The following CSMD1 variants were observed in gnomAD, a reference collection of about 807,000 sequenced individuals.
CSMD1 encodes CUB and sushi domain-containing protein 1.
CSMD1 carries 213 observed loss-of-function variants against 417.5 expected under a neutral mutation model. The ratio of observed to expected loss-of-function variants is 0.51; its 90% CI spans 0.46 to 0.57. The LOEUF is 0.57. Ranked by LOEUF, CSMD1 falls within the 20% of genes least tolerant of loss-of-function variation. The pLI is 0.00. For synonymous variants in CSMD1, 2,862 were observed against 1,736.8 expected (o/e 1.65, Z -16.11); for missense variants, 6,923 against 4,529.7 (o/e 1.53, Z -15.17).
At chr8:4,048,454 T>C (rs1798261071) in intron 3 of CSMD1, among the ~76,000 whole-genome samples, 2 of 152,202 alleles carry the variant, frequency 1.3e-5, no homozygotes, top group Non-Finnish European at 2.9e-5. Flanking sequence ...CCCAACAAGA[T>C]TCTGCAGTAG....
chr8:4,519,404 A>T (rs888888678), intron 2 of CSMD1, among the ~76,000 whole-genome samples: 1 of 152,140 alleles, frequency 6.6e-6, no homozygotes, highest in Non-Finnish European at 1.5e-5. Flanking sequence ...TACATATTCA[A>T]AATTAATATA....
chr8:3,887,740 A>C (rs1284752557), intron 5 of CSMD1, among the ~76,000 whole-genome samples: 1 of 151,968 alleles, frequency 6.6e-6, no homozygotes, highest in Non-Finnish European at 1.5e-5. Context: ...GATAGAAAAA[A>C]CTCAGATTAC....
intron 52 of CSMD1, among the ~76,000 whole-genome samples, chr8:3,002,139 G>C (rs181398835): frequency 4.6e-5 from 7 of 152,256 alleles, no homozygotes; most frequent in African/African-American, 9.6e-5. Context: ...GTCAGTTCTG[G>C]TGATTTGTCC....
chr8:4,139,029 G>T (rs1803612934), intron 3 of CSMD1, among the ~76,000 whole-genome samples: 1 of 152,160 alleles, frequency 6.6e-6, no homozygotes, highest in Non-Finnish European at 1.5e-5. Flanking sequence ...TATGCTGCAT[G>T]TTTCAGCACC....
chr8:4,974,591 C>T (rs1281286788), intron 1 of CSMD1, among the ~76,000 whole-genome samples: 1 of 152,046 alleles, frequency 6.6e-6, no homozygotes, highest in Non-Finnish European at 1.5e-5. Flanking sequence ...TTATGTATAA[C>T]AAACATCAAC....
chr8:4,486,122 CAT>C (rs549034961), intron 2 of CSMD1, among the ~76,000 whole-genome samples: 1,543 of 126,600 alleles, frequency 0.012, 55 homozygotes, highest in Admixed American at 0.057. Flanking sequence ...TATATACATA[CAT>C]ATATATATAT....
intron 21 of CSMD1, among the ~76,000 whole-genome samples, chr8:3,354,015 C>T (rs1808580335): frequency 6.6e-6 from 1 of 152,164 alleles, no homozygotes; most frequent in African/African-American, 2.4e-5. Context: ...CAACAACAGA[C>T]AGACGTGGAG....
chr8:4,281,869 T>A (rs931749975), intron 3 of CSMD1, among the ~76,000 whole-genome samples: 19 of 152,186 alleles, frequency 1.2e-4, no homozygotes, highest in African/African-American at 4.1e-4. Flanking sequence ...ATTAAAAAAA[T>A]GTTTTGCAAA....
At chr8:4,942,201 C>T (rs1255569328) in intron 1 of CSMD1, among the ~76,000 whole-genome samples, 1 of 152,152 alleles carries the variant, frequency 6.6e-6, no homozygotes, top group Non-Finnish European at 1.5e-5. Flanking sequence ...TTCCCCCCAA[C>T]ACACAGACAC....
At chr8:3,935,129 T>C (rs566378142) in intron 5 of CSMD1, among the ~76,000 whole-genome samples, 9 of 152,272 alleles carry the variant, frequency 5.9e-5, no homozygotes, top group African/African-American at 1.4e-4. Context: ...TTTCTCTGTA[T>C]GTCAGAAGTA....
intron 52 of CSMD1, among the ~76,000 whole-genome samples, chr8:3,003,046 T>C (rs371039175): frequency 1.1e-4 from 17 of 152,372 alleles, no homozygotes; most frequent in African/African-American, 3.8e-4. Context: ...GAGATAGCAA[T>C]CTGTTTTTCA....
intron 2 of CSMD1, among the ~76,000 whole-genome samples, chr8:4,452,253 T>A (rs545619373): frequency 1.4e-4 from 22 of 152,290 alleles, no homozygotes; most frequent in South Asian, 1.2e-3. Flanking sequence ...ACTGAACGCC[T>A]CAGCTCCTCC....
intron 3 of CSMD1, among the ~76,000 whole-genome samples, chr8:4,186,377 G>A (rs143140719): frequency 2.8e-4 from 43 of 152,228 alleles, no homozygotes; most frequent in African/African-American, 9.1e-4. Context: ...GTTGAATGCA[G>A]CATCTCTGCT....
chr8:3,614,200 A>G (rs1802027390), intron 8 of CSMD1, among the ~76,000 whole-genome samples: 1 of 152,182 alleles, frequency 6.6e-6, no homozygotes, highest in South Asian at 2.1e-4. Flanking sequence ...CTACAAACAT[A>G]GAGACATATA....
At chr8:4,700,501 C>G (rs1431270947) in intron 1 of CSMD1, among the ~76,000 whole-genome samples, 1 of 151,990 alleles carries the variant, frequency 6.6e-6, no homozygotes, top group Non-Finnish European at 1.5e-5. Context: ...TAAAACTATG[C>G]ATGTTACAAT....
At chr8:4,244,968 A>G (rs1387366014) in intron 3 of CSMD1, among the ~76,000 whole-genome samples, 1 of 152,178 alleles carries the variant, frequency 6.6e-6, no homozygotes, top group Non-Finnish European at 1.5e-5. Context: ...TAAAATAACC[A>G]AAAGCCTGGA....
intron 6 of CSMD1, among the ~76,000 whole-genome samples, chr8:3,727,558 G>C (rs1393238230): frequency 6.6e-6 from 1 of 152,160 alleles, no homozygotes; most frequent in Non-Finnish European, 1.5e-5. Flanking sequence ...CAGTATGGAA[G>C]TTCCTCGAAA....
intron 1 of CSMD1, among the ~76,000 whole-genome samples, chr8:4,887,292 T>TA (rs1803814437): frequency 6.6e-6 from 1 of 152,120 alleles, no homozygotes; most frequent in African/African-American, 2.4e-5. Flanking sequence ...TAGTTTCTAC[T>TA]AGAGGCTTTT....
chr8:4,090,592 C>T (rs982596850), intron 3 of CSMD1, among the ~76,000 whole-genome samples: 9 of 152,172 alleles, frequency 5.9e-5, no homozygotes, highest in Admixed American at 3.3e-4. Context: ...CTCACCTGAC[C>T]TTCAAGTGTG....
Sources: gnomAD v4.1 joint callset for allele counts (sites outside exome capture counted in the v4.1 genomes callset) on GRCh38, gnomAD v4.1.1 for gene constraint, MANE v1.5 for transcripts, NCBI Gene and HGNC (gene_info 2026-07-23, HGNC 2026-07-21) for gene names.